Variants in MINDY3 observed in about 807,000 individuals in gnomAD.
MINDY3 encodes the protein MINDY lysine 48 deubiquitinase 3.
MINDY3 carries 38 observed loss-of-function variants against 69.2 expected under a neutral mutation model. The ratio of observed to expected loss-of-function variants is 0.55; its 90% confidence interval spans 0.42 to 0.72. The LOEUF (loss-of-function observed/expected upper bound fraction) is 0.72. Ranked by LOEUF, MINDY3 falls within the 30% of genes least tolerant of loss-of-function variation. MINDY3 has a pLI of 0.00. For missense variants in MINDY3, 522 were observed against 519.0 expected, an observed-to-expected ratio of 1.01 and a Z score of -0.06; for synonymous variants, 192 against 180.1, an observed-to-expected ratio of 1.07 and a Z score of -0.53.
intron 4 of MINDY3, 93 bp downstream of exon 4, chr10:15,841,333 A>C (rs1833453713): frequency 9.7e-7 from 1 of 1,026,172 alleles, no homozygotes; most frequent in Non-Finnish European, 1.4e-6. Flanking sequence ...CATGTTATGA[A>C]AATTTTAAGT....
At chr10:15,851,474 T>C (rs1834292844) in intron 1 of MINDY3, among the ~76,000 whole-genome samples, 2 of 151,966 alleles carry the variant, frequency 1.3e-5, no homozygotes, top group East Asian at 3.9e-4. Flanking sequence ...TCTCTATGTC[T>C]CTTACCCCTT....
rs371111421 is a variant in MINDY3 at position 15,834,596 on chromosome 10, G to A, written c.597C>T (p.Asn199=). ...AGGGTTCACTTGCATCTTCAATTTC[G>A]TTTTTTATGTTTTCAATGCCCTAAA... The part of the protein sequence containing the change: ...LLTKGIENIK[N]EIEDASEPLI... Residue 199 remains asparagine, a synonymous_variant, in exon 7 of 15, where the codon AAC becomes AAT. Transcript: ENST00000277632. 3.3e-5 allele frequency: 53 copies of A among 1,609,886 alleles called. No individual in the cohort carries two copies. The highest frequency in any genetic ancestry group is 2.6e-4 in the South Asian group (24 of 90,874).
At chr10:15,843,386 AG>A in intron 2 of MINDY3, 114 bp from the exon 3 acceptor site, 1 of 824,218 alleles carries the variant, frequency 1.2e-6, no homozygotes, top group Non-Finnish European at 2.0e-6. Flanking sequence ...TCTTTTGACT[AG>A]TTCTGTAAAG....
chr10:15,786,623 C>G lies in MINDY3; in HGVS notation c.1054G>C (p.Asp352His). The G allele has an allele frequency of 6.3e-7, 1 of 1,591,042 alleles. No individual in the cohort carries two copies. Among genetic ancestry groups the G allele is most frequent in the Non-Finnish European group, 8.6e-7 (1 of 1,161,164 alleles). The change falls in exon 13 of 15, where the codon GAT (aspartate) becomes CAT (histidine). Residue 352 changes from aspartate (D) to histidine (H), a missense_variant. By Grantham distance (81) the Asp-to-His change is moderately conservative (BLOSUM62 -1). Coordinates refer to ENST00000277632, the MANE Select transcript of MINDY3 (RefSeq NM_024948.4). ...AATATGATTCCTAATCCTTCTGGAT[C>G]TAATTTATTCTTCATGAGATTTATA... ...EYINLMKNKLDPEGLGIILLG... is the reference protein window; with the variant it reads ...EYINLMKNKLHPEGLGIILLG...
intron 3 of MINDY3, among the ~76,000 whole-genome samples, chr10:15,842,703 T>C (rs543259666): frequency 3.4e-4 from 52 of 151,922 alleles, no homozygotes; most frequent in Non-Finnish European, 6.5e-4. Context: ...AACTGTCACG[T>C]GGAATGCAAA....
chr10:15,828,855 G>A (rs937749633), intron 8 of MINDY3, among the ~76,000 whole-genome samples: 1 of 152,152 alleles, frequency 6.6e-6, no homozygotes. Context: ...ATAGTAGGAG[G>A]CAGGCAATAT....
intron 1 of MINDY3, among the ~76,000 whole-genome samples, chr10:15,858,638 T>C (rs1834863783): frequency 6.6e-6 from 1 of 152,220 alleles, no homozygotes; most frequent in Non-Finnish European, 1.5e-5. Flanking sequence ...CACATGAACC[T>C]GAACCAAGTA....
chr10:15,819,208 G>A (rs778217760), intron 9 of MINDY3, among the ~76,000 whole-genome samples: 98 of 152,204 alleles, frequency 6.4e-4, no homozygotes, highest in Non-Finnish European at 1.3e-3. Context: ...AAAGCACGGG[G>A]AAATGTTCAG....
intron 2 of MINDY3, among the ~76,000 whole-genome samples, chr10:15,844,285 G>A (rs1191491785): frequency 3.3e-5 from 5 of 152,040 alleles, no homozygotes; most frequent in Non-Finnish European, 5.9e-5. Flanking sequence ...TGATTTTTCC[G>A]CAAAAGGGCA....
intron 1 of MINDY3, among the ~76,000 whole-genome samples, chr10:15,858,325 A>G (rs1259613171): frequency 1.3e-5 from 2 of 152,228 alleles, no homozygotes; most frequent in African/African-American, 4.8e-5. Context: ...CTGCATGATT[A>G]AAGGTGGCAG....
At chr10:15,818,914 G>C (rs1160125736) in intron 9 of MINDY3, among the ~76,000 whole-genome samples, 1 of 152,126 alleles carries the variant, frequency 6.6e-6, no homozygotes, top group African/African-American at 2.4e-5. Flanking sequence ...TGGGGTAATG[G>C]TTGCATTGCA....
chr10:15,843,810 G>A (rs535346979), intron 2 of MINDY3, among the ~76,000 whole-genome samples: 19 of 152,198 alleles, frequency 1.2e-4, no homozygotes, highest in African/African-American at 4.1e-4. Flanking sequence ...CCCCTTAAGC[G>A]AGTCAACGAT....
chr10:15,789,841 G>C (rs998685614), intron 11 of MINDY3, among the ~76,000 whole-genome samples: 3 of 151,868 alleles, frequency 2.0e-5, no homozygotes, highest in Non-Finnish European at 4.4e-5. Flanking sequence ...GAAAGCTGTA[G>C]GTTTAAAAAA....
chr10:15,787,614 T>C (rs1435264184), intron 12 of MINDY3, among the ~76,000 whole-genome samples: 2 of 152,106 alleles, frequency 1.3e-5, no homozygotes, highest in African/African-American at 2.4e-5. Flanking sequence ...AGCTATGTTT[T>C]AAGGTTTATG....
chr10:15,782,129 A>G, intron 14 of MINDY3, 26 bp downstream of exon 14: 1 of 1,537,404 alleles, frequency 6.5e-7, no homozygotes, highest in South Asian at 1.1e-5. Flanking sequence ...CCAGTTGAAC[A>G]CCGACGACTA....
At chr10:15,849,347 C>A (rs148877487) in intron 1 of MINDY3, among the ~76,000 whole-genome samples, 8 of 151,620 alleles carry the variant, frequency 5.3e-5, no homozygotes, top group African/African-American at 1.9e-4. Context: ...AGCAAATGGG[C>A]GGCAGGAAAG....
At chr10:15,787,691 C>T (rs1837078886) in intron 12 of MINDY3, among the ~76,000 whole-genome samples, 1 of 152,162 alleles carries the variant, frequency 6.6e-6, no homozygotes. Flanking sequence ...CCTCACAGAC[C>T]TCCTACCTGA....
intron 2 of MINDY3, among the ~76,000 whole-genome samples, chr10:15,847,406 T>C (rs1724870935): frequency 6.6e-6 from 1 of 152,238 alleles, no homozygotes; most frequent in South Asian, 2.1e-4. Flanking sequence ...AGCTATAGCA[T>C]AAAATAGTAT....
intron 10 of MINDY3, among the ~76,000 whole-genome samples, chr10:15,804,028 T>TTTAG (rs1247143817): frequency 2.0e-5 from 3 of 152,124 alleles, no homozygotes; most frequent in African/African-American, 7.2e-5. Flanking sequence ...TACATACTGT[T>TTTAG]TTAGTTAGCA....
Sources: gnomAD v4.1 joint callset for allele counts (sites outside exome capture counted in the v4.1 genomes callset) on GRCh38, gnomAD v4.1.1 for gene constraint, MANE v1.5 for transcripts, NCBI Gene and HGNC (gene_info 2026-07-23, HGNC 2026-07-21) for gene names.